The following DNAJC13 variants were observed in gnomAD, a reference collection of about 807,000 sequenced individuals.
The protein encoded by DNAJC13 is DnaJ heat shock protein family (Hsp40) member C13.
A neutral mutation model predicts 290.5 loss-of-function variants in DNAJC13; 75 were observed. The observed-to-expected ratio is 0.26, with a 90% CI of 0.21 to 0.31. The LOEUF is 0.31. Among genes scored for constraint, DNAJC13 ranks in the 10% least tolerant of loss-of-function variants. The pLI, the probability that DNAJC13 is intolerant of heterozygous loss-of-function variation, is 1.00. For synonymous variants in DNAJC13, 862 were observed against 892.0 expected (o/e 0.97, Z 0.60); for missense variants, 2,260 against 2,674.5 (o/e 0.85, Z 3.42).
intron 40 of DNAJC13, 35 bp downstream of exon 40, chr3:132,502,503 C>A (rs1935450813): frequency 3.2e-6 from 5 of 1,547,966 alleles, no homozygotes; most frequent in Non-Finnish European, 8.8e-7. Flanking sequence ...TGAATTTGAA[C>A]CCAAACCTTA....
In DNAJC13 at chr3:132,502,174, AT is replaced by A. The variant is rs1313112897; in HGVS notation, c.4537-111del. The A allele has an allele frequency of 3.5e-6, 3 of 866,146 alleles. No homozygotes were observed. The Admixed American group carries it at 8.7e-5, about 25-fold the overall frequency. The allele number at this position is 866,146 out of a possible 1,614,324, so 53.7% of individuals were successfully genotyped here. Reference sequence around the variant, plus strand: ...ATTGAAAATGTAAGAAGAGGTAAACATTTTACAAAATAACGTGGTTGGCTTG... The same window carrying A: ...ATTGAAAATGTAAGAAGAGGTAAACATTTACAAAATAACGTGGTTGGCTTG... On this transcript the variant is annotated intron_variant, in intron 39 of 55. Transcript: ENST00000260818.
rs776648960 is a variant in DNAJC13, at chr3:132,456,592, T to G, written c.1179+12T>G. The G allele has an allele frequency of 1.4e-5, 23 of 1,613,500 alleles. No homozygotes were observed. Among genetic ancestry groups the G allele is most frequent in the Non-Finnish European group, 1.9e-5 (22 of 1,179,786 alleles). ...CAGTAACACAAGATGTAAGCTAAGTTTTATCATAATTGTTCATTGTTACTA... is the reference window on the plus strand; with the variant it reads ...CAGTAACACAAGATGTAAGCTAAGTGTTATCATAATTGTTCATTGTTACTA... On this transcript the variant is annotated intron_variant, in intron 11 of 55. Transcript: ENST00000260818.
At chr3:132,441,556 A>T (rs1490911859) in intron 2 of DNAJC13, among the ~76,000 whole-genome samples, 1 of 152,226 alleles carries the variant, frequency 6.6e-6, no homozygotes, top group African/African-American at 2.4e-5. Context: ...TTTAAAAGTA[A>T]TACAGGTACA....
chr3:132,483,813 C>G (rs145652427), intron 28 of DNAJC13, among the ~76,000 whole-genome samples: 1 of 152,122 alleles, frequency 6.6e-6, no homozygotes, highest in African/African-American at 2.4e-5. Flanking sequence ...CTGAGACTTA[C>G]AATAGTAACA....
intron 1 of DNAJC13, among the ~76,000 whole-genome samples, chr3:132,423,669 C>T (rs1398855528): frequency 6.6e-6 from 1 of 152,170 alleles, no homozygotes; most frequent in Non-Finnish European, 1.5e-5. Context: ...AGGGATATTT[C>T]AGAACTAAAC....
chr3:132,454,752 T>C (rs1422584305), intron 9 of DNAJC13, among the ~76,000 whole-genome samples: 2 of 152,082 alleles, frequency 1.3e-5, no homozygotes, highest in Non-Finnish European at 2.9e-5. Flanking sequence ...AAGCAATGGT[T>C]ATGTTTTTTT....
At chr3:132,436,845 A>G (rs1432520908) in intron 2 of DNAJC13, among the ~76,000 whole-genome samples, 1 of 149,354 alleles carries the variant, frequency 6.7e-6, no homozygotes, top group Non-Finnish European at 1.5e-5. Context: ...TATTGAAATC[A>G]TTTATTCACT....
chr3:132,513,489 T>C (rs979604157), intron 45 of DNAJC13, among the ~76,000 whole-genome samples: 6 of 152,204 alleles, frequency 3.9e-5, no homozygotes, highest in African/African-American at 9.6e-5. Context: ...GGCTACATAC[T>C]GTGGGTTTGC....
chr3:132,461,113 G>A lies in DNAJC13; in HGVS notation c.1621G>A (p.Ala541Thr). Residue 541 changes from alanine (A) to threonine (T), a missense_variant, in exon 15 of 56, where the codon GCT becomes ACT. Physicochemically the swap from Ala to Thr is moderately conservative, Grantham distance 58. Around this residue, in one of 3 missense-constraint regions of DNAJC13, gnomAD observed 762 missense variants for 964.1 expected, o/e 0.79. Coordinates refer to ENST00000260818, the MANE Select transcript of DNAJC13 (RefSeq NM_015268.4). ...LLDFLTFALC[A>T]PYSETTEGQQ... ...GGACTTCCTTACCTTTGCCCTCTGT[G>A]CTCCATATAGTGAGACAACTGAAGG... is the stretch of plus-strand genomic sequence containing the variant. The A allele has an allele frequency of 6.2e-7, 1 of 1,614,014 alleles. No individual in the cohort carries two copies. The highest frequency in any genetic ancestry group is 8.5e-7 in the Non-Finnish European group (1 of 1,179,944).
intron 2 of DNAJC13, among the ~76,000 whole-genome samples, chr3:132,439,659 G>A (rs1932985234): frequency 1.3e-5 from 2 of 152,064 alleles, no homozygotes; most frequent in Admixed American, 6.6e-5. Context: ...AGCTCCATCC[G>A]AGCTGGAAAA....
At chr3:132,435,347 T>C (rs1559867672) in intron 2 of DNAJC13, among the ~76,000 whole-genome samples, 3 of 152,226 alleles carry the variant, frequency 2.0e-5, no homozygotes, top group Non-Finnish European at 4.4e-5. Context: ...GTCACACTTT[T>C]ACAAATCAGT....
At chr3:132,427,133 A>ATTTT (rs35154589) in intron 1 of DNAJC13, among the ~76,000 whole-genome samples, 137 of 122,184 alleles carry the variant, frequency 1.1e-3, no homozygotes, top group African/African-American at 4.1e-3. Context: ...ATATATATAT[A>ATTTT]TTTTTTTTTT....
At chr3:132,497,391 G>A (rs2107714448) in intron 36 of DNAJC13, among the ~76,000 whole-genome samples, 1 of 152,290 alleles carries the variant, frequency 6.6e-6, no homozygotes, top group South Asian at 2.1e-4. Flanking sequence ...CACAAAGTGG[G>A]AGAGCCATTT....
intron 29 of DNAJC13, 123 bp downstream of exon 29, chr3:132,484,795 G>A: frequency 2.3e-6 from 2 of 876,226 alleles, no homozygotes; most frequent in South Asian, 1.5e-5. Context: ...TAGGCCAGGT[G>A]TGGAGTCTCA....
rs932598318 is a variant in DNAJC13, at chr3:132,499,627, T to A, written c.4342-107T>A. On this transcript the variant is annotated intron_variant, in intron 37 of 55. Coordinates refer to ENST00000260818, the MANE Select transcript of DNAJC13 (RefSeq NM_015268.4). ...CAAATGTTGATCAAACATTTATGTATCAAATATTTAACATTAAAGGGTTAT... is the reference window on the plus strand; with the variant it reads ...CAAATGTTGATCAAACATTTATGTAACAAATATTTAACATTAAAGGGTTAT... 3.5e-5 allele frequency: 33 copies of A among 956,126 alleles called. No homozygotes were observed. In the South Asian group the frequency reaches 4.7e-4, roughly 14 times the overall value. 59.2% of individuals were successfully genotyped at this position (956,126 alleles called of 1,614,324 possible).
At chr3:132,528,392 G>A (rs1189807170) in intron 54 of DNAJC13, 60 bp downstream of exon 54, 6 of 1,587,424 alleles carry the variant, frequency 3.8e-6, no homozygotes, top group Non-Finnish European at 4.3e-6. Flanking sequence ...GCCATGGATG[G>A]TCCACGTACC....
chr3:132,518,969 T>C (rs896710281), intron 48 of DNAJC13, among the ~76,000 whole-genome samples: 3 of 152,232 alleles, frequency 2.0e-5, no homozygotes, highest in African/African-American at 7.2e-5. Flanking sequence ...GTGACTGGCT[T>C]CCGTTGTTTT....
At chr3:132,506,541 CTTTTTT>C (rs34151394) in intron 42 of DNAJC13, among the ~76,000 whole-genome samples, 4 of 54,750 alleles carry the variant, frequency 7.3e-5, no homozygotes, top group South Asian at 6.3e-4. Flanking sequence ...CAGTGTATTA[CTTTTTT>C]TTTTTTTTTT....
At chr3:132,537,153 C>T (rs1936617551) in intron 55 of DNAJC13, 1 of 456,070 alleles carries the variant, frequency 2.2e-6, no homozygotes, top group Non-Finnish European at 4.4e-6. Context: ...CTTTTTTCCC[C>T]TCAGGTGTCT....
Sources: allele counts gnomAD v4.1 joint callset (sites outside exome capture counted in the v4.1 genomes callset), GRCh38; gene constraint gnomAD v4.1.1; regional missense constraint gnomAD v4.1.1; transcripts MANE v1.5; gene names NCBI Gene and HGNC (gene_info 2026-07-23, HGNC 2026-07-21).